The following FABP6 variants were observed in gnomAD, a reference collection of about 807,000 sequenced individuals.
The protein encoded by FABP6 is gastrotropin.
FABP6 carries 13 observed loss-of-function variants against 14.9 expected under a neutral mutation model. That is an observed-to-expected ratio of 0.87 (90% confidence interval 0.57 to 1.39). FABP6 has a LOEUF of 1.39. Among genes scored for constraint, FABP6 ranks in the 40% most tolerant of loss-of-function variants. The pLI, the probability that FABP6 is intolerant of heterozygous loss-of-function variation, is 0.00. For synonymous variants in FABP6, 75 were observed against 63.6 expected, an observed-to-expected ratio of 1.18 and a Z score of -0.85; for missense variants, 161 against 167.2, an observed-to-expected ratio of 0.96 and a Z score of 0.20.
intron 2 of FABP6, chr5:160,199,204 ATGACCCAGGTCACAGTGGGGAGAACACCT>A (rs1367311513): frequency 1.9e-6 from 3 of 1,605,048 alleles, no homozygotes; most frequent in Non-Finnish European, 1.7e-6. Flanking sequence ...AAATGAAAGG[ATGACCCAGGTCACAGTGGGGAGAACACCT>A]TGGGTGGGGG....
In FABP6 at chr5:160,215,566, T is replaced by G. The variant is rs147347617; in HGVS notation, c.135+1747T>G. 7.1e-4 allele frequency among the ~76,000 whole-genome samples: 108 copies of G among 151,268 alleles called. 1 individual carries two copies. In the East Asian group the frequency reaches 0.019, roughly 27 times the overall value. ...GGCCAGGCATGGTGGCTCACACTTGTAATCCCAAAACTTTGGGAGACTGAG... is the reference window on the plus strand; with the variant it reads ...GGCCAGGCATGGTGGCTCACACTTGGAATCCCAAAACTTTGGGAGACTGAG... On this transcript the variant is annotated intron_variant, in intron 3 of 6. Coordinates refer to the FABP6 transcript ENST00000393980.
chr5:160,233,035 G>A (rs1235723817), intron 2 of FABP6, among the ~76,000 whole-genome samples: 6 of 149,900 alleles, frequency 4.0e-5, no homozygotes, highest in African/African-American at 1.5e-4. Flanking sequence ...AGGCTGGAGT[G>A]CAGTGTCATG....
intron 1 of FABP6, among the ~76,000 whole-genome samples, chr5:160,230,988 T>A (rs1302048431): frequency 6.6e-6 from 1 of 152,238 alleles, no homozygotes; most frequent in Non-Finnish European, 1.5e-5. Context: ...AATGAGACAG[T>A]GGATCTGACA....
intron 2 of FABP6, chr5:160,199,199 A>G: frequency 6.2e-7 from 1 of 1,609,570 alleles, no homozygotes. Flanking sequence ...GAGGCAAATG[A>G]AAGGATGACC....
At chr5:160,237,283 A>T (rs1241727453) in intron 3 of FABP6, among the ~76,000 whole-genome samples, 1 of 152,120 alleles carries the variant, frequency 6.6e-6, no homozygotes, top group South Asian at 2.1e-4. Flanking sequence ...ATTCCCAGAG[A>T]TTCCTCATCA....
At chr5:160,228,999 C>G (rs1260176168), upstream of FABP6, among the ~76,000 whole-genome samples, 1 of 152,160 alleles carries the variant, frequency 6.6e-6, no homozygotes, top group Admixed American at 6.5e-5. Flanking sequence ...TTGCTCCTTC[C>G]CCATGCTCCA....
intron 3 of FABP6, among the ~76,000 whole-genome samples, chr5:160,223,553 C>G (rs1760179088): frequency 6.6e-6 from 1 of 151,824 alleles, no homozygotes; most frequent in Admixed American, 6.6e-5. Context: ...TCTCAAGTAG[C>G]TGGGACTACA....
At chr5:160,197,208 G>T (rs529258163) in intron 1 of FABP6, 1 of 152,448 alleles carries the variant, frequency 6.6e-6, no homozygotes, top group Non-Finnish European at 1.5e-5. Context: ...GGTGGGCCCA[G>T]GGGGTTCATA....
intron 1 of FABP6, among the ~76,000 whole-genome samples, chr5:160,230,701 T>C (rs1727635305): frequency 1.3e-5 from 2 of 152,014 alleles, no homozygotes; most frequent in African/African-American, 4.8e-5. Flanking sequence ...TGCAAGGCTA[T>C]CTCAGTGTTA....
intron 1 of FABP6, among the ~76,000 whole-genome samples, chr5:160,192,899 G>C (rs184515584): frequency 9.5e-4 from 144 of 152,356 alleles, no homozygotes; most frequent in African/African-American, 3.2e-3. Context: ...ATTGCTTGAA[G>C]TCAGGAGTTT....
chr5:160,206,566 A>G (rs1274436920), intron 2 of FABP6, among the ~76,000 whole-genome samples: 1 of 152,230 alleles, frequency 6.6e-6, no homozygotes, highest in Non-Finnish European at 1.5e-5. Context: ...TGTTTCATAC[A>G]TGCATGCAAA....
intron 1 of FABP6, among the ~76,000 whole-genome samples, chr5:160,191,829 C>T (rs1223248225): frequency 2.1e-5 from 3 of 142,564 alleles, no homozygotes; most frequent in Non-Finnish European, 3.1e-5. Context: ...AAAAATTAGC[C>T]AGGCATGGTG....
chr5:160,223,533 C>T (rs961636451), intron 3 of FABP6, among the ~76,000 whole-genome samples: 2 of 151,734 alleles, frequency 1.3e-5, no homozygotes. Context: ...GCGATCCTTC[C>T]GTCTCAGCCT....
chr5:160,187,936 G>A (rs1415493350), intron 1 of FABP6, among the ~76,000 whole-genome samples: 1 of 152,010 alleles, frequency 6.6e-6, no homozygotes, highest in African/African-American at 2.4e-5. Flanking sequence ...ATTTTTAGTA[G>A]AGGCAGGGTT....
chr5:160,208,178 C>T (rs1759809593), intron 2 of FABP6, among the ~76,000 whole-genome samples: 1 of 152,000 alleles, frequency 6.6e-6, no homozygotes, highest in Non-Finnish European at 1.5e-5. Context: ...CTCAATGGCT[C>T]ATGCCTGTAA....
At chr5:160,219,779 T>G (rs1760093163) in intron 3 of FABP6, among the ~76,000 whole-genome samples, 1 of 152,118 alleles carries the variant, frequency 6.6e-6, no homozygotes, top group African/African-American at 2.4e-5. Context: ...CTTGCCCACA[T>G]CCCCTGGCCT....
At chr5:160,231,720 C>T (rs2113141221) in intron 1 of FABP6, among the ~76,000 whole-genome samples, 1 of 152,244 alleles carries the variant, frequency 6.6e-6, no homozygotes, top group South Asian at 2.1e-4. Flanking sequence ...CATTCCAGAA[C>T]TTCGCGAGCT....
chr5:160,204,337 A>G (rs1346893612), intron 2 of FABP6, among the ~76,000 whole-genome samples: 1 of 149,146 alleles, frequency 6.7e-6, no homozygotes, highest in African/African-American at 2.4e-5. Context: ...TAAAGATAAA[A>G]ATAAAAATAA....
chr5:160,190,088 C>T (rs899671939), intron 1 of FABP6, among the ~76,000 whole-genome samples: 1 of 152,194 alleles, frequency 6.6e-6, no homozygotes, highest in Non-Finnish European at 1.5e-5. Flanking sequence ...TCTGAACAAA[C>T]TTGCCTCTGA....
Sources: gnomAD v4.1 joint callset for allele counts (sites outside exome capture counted in the v4.1 genomes callset) on GRCh38, gnomAD v4.1.1 for gene constraint, MANE v1.5 for transcripts, NCBI Gene and HGNC (gene_info 2026-07-23, HGNC 2026-07-21) for gene names.